VWA8: variants seen among roughly 807,000 people sequenced by gnomAD.
VWA8 encodes von Willebrand factor A domain-containing protein 8.
Under a neutral mutation model 241.5 loss-of-function variants are expected in VWA8, and 221 were observed. That is an observed-to-expected ratio of 0.91 (90% CI 0.82 to 1.02). VWA8 has a LOEUF of 1.02. Ranked by LOEUF, VWA8 falls within the 50% of genes least tolerant of loss-of-function variation. The pLI is 0.00. For missense variants in VWA8, 2,322 were observed against 2,328.7 expected (o/e 1.00, Z 0.06); for synonymous variants, 852 against 827.1 (o/e 1.03, Z -0.52).
chr13:41,930,479 A>AATGAATT (rs1384542721), intron 2 of VWA8, among the ~76,000 whole-genome samples: 2 of 152,350 alleles, frequency 1.3e-5, no homozygotes, highest in East Asian at 3.9e-4. Context: ...TCAATGGATA[A>AATGAATT]ATGAATAAAG....
chr13:41,762,770 C>T (rs1006027029), intron 20 of VWA8, among the ~76,000 whole-genome samples: 6 of 152,050 alleles, frequency 3.9e-5, no homozygotes, highest in African/African-American at 1.2e-4. Flanking sequence ...ATTTATTGAG[C>T]GCCACAGGGG....
At chr13:41,592,374 G>C (rs2044461258) in intron 40 of VWA8, among the ~76,000 whole-genome samples, 1 of 149,408 alleles carries the variant, frequency 6.7e-6, no homozygotes, top group South Asian at 2.1e-4. Context: ...GCTAGATGAC[G>C]AGTTAGTGGG....
chr13:41,782,120 A>C, intron 19 of VWA8, among the ~76,000 whole-genome samples: 1 of 152,360 alleles, frequency 6.6e-6, no homozygotes, highest in Middle Eastern at 3.4e-3. Context: ...ATAATGCTTT[A>C]AGAAGAGAAG....
chr13:41,879,730 A>G (rs962999579), intron 9 of VWA8, among the ~76,000 whole-genome samples: 2 of 152,016 alleles, frequency 1.3e-5, no homozygotes, highest in Non-Finnish European at 2.9e-5. Flanking sequence ...AGGTCTTCTC[A>G]TTATTAATAG....
intron 18 of VWA8, among the ~76,000 whole-genome samples, chr13:41,785,656 T>G (rs1869156335): frequency 6.6e-6 from 1 of 152,166 alleles, no homozygotes; most frequent in African/African-American, 2.4e-5. Flanking sequence ...ACAGTAGATC[T>G]TAACAGTAAC....
intron 40 of VWA8, among the ~76,000 whole-genome samples, chr13:41,600,226 T>C (rs2044512534): frequency 2.0e-5 from 3 of 152,120 alleles, no homozygotes; most frequent in Non-Finnish European, 2.9e-5. Context: ...GTTTTCAATA[T>C]GTAAAGGTTT....
intron 37 of VWA8, among the ~76,000 whole-genome samples, chr13:41,642,701 G>T (rs959530623): frequency 6.6e-6 from 1 of 151,878 alleles, no homozygotes; most frequent in Non-Finnish European, 1.5e-5. Context: ...GGCTGAGGTG[G>T]GTGGATCACC....
chr13:41,816,694 T>C lies in VWA8; in HGVS notation c.1947+4A>G. 2 of 1,612,516 alleles carry C rather than the reference T, an allele frequency of 1.2e-6. No homozygotes were observed. Among genetic ancestry groups the C allele is most frequent in the Non-Finnish European group, 1.7e-6 (2 of 1,179,078 alleles). The stretch of plus-strand genomic sequence containing the variant: ...AAAATCCTGTGGAAAAAGCCTAGAC[T>C]TACCGTTGGATCCTGTGTTTCTCTG... On this transcript the variant is annotated splice_donor_region_variant and intron_variant, in intron 16 of 44. Transcript: ENST00000379310.
intron 29 of VWA8, 64 bp downstream of exon 29, chr13:41,699,007 T>C: frequency 6.2e-7 from 1 of 1,601,978 alleles, no homozygotes. Context: ...AGTTATAGGT[T>C]TCTAATCACT....
intron 9 of VWA8, among the ~76,000 whole-genome samples, chr13:41,872,851 T>C (rs1378264461): frequency 6.6e-6 from 1 of 152,136 alleles, no homozygotes; most frequent in Non-Finnish European, 1.5e-5. Context: ...AAGAAAGTCA[T>C]TGGTAGCTTG....
intron 1 of VWA8, among the ~76,000 whole-genome samples, chr13:41,956,183 T>C (rs144396400): frequency 1.3e-5 from 2 of 152,290 alleles, no homozygotes; most frequent in Middle Eastern, 3.4e-3. Flanking sequence ...TCATGGACTG[T>C]TTAGCAGCAT....
At chr13:41,699,942 G>A (rs1377831839) in intron 28 of VWA8, among the ~76,000 whole-genome samples, 1 of 152,116 alleles carries the variant, frequency 6.6e-6, no homozygotes, top group Admixed American at 6.5e-5. Context: ...CAGGAGGTTT[G>A]GGGTGGGGTT....
intron 14 of VWA8, among the ~76,000 whole-genome samples, chr13:41,829,995 C>G (rs902742312): frequency 6.6e-6 from 1 of 152,124 alleles, no homozygotes; most frequent in Non-Finnish European, 1.5e-5. Context: ...GTAATCCCAG[C>G]ACTTTGGGAG....
intron 2 of VWA8, among the ~76,000 whole-genome samples, chr13:41,923,444 A>T (rs1236795293): frequency 6.6e-6 from 1 of 152,214 alleles, no homozygotes; most frequent in African/African-American, 2.4e-5. Flanking sequence ...TTTAAAAAAA[A>T]AGTGCTTCAG....
At chr13:41,762,508 G>A (rs188400852) in intron 20 of VWA8, among the ~76,000 whole-genome samples, 1 of 152,162 alleles carries the variant, frequency 6.6e-6, no homozygotes, top group Non-Finnish European at 1.5e-5. Flanking sequence ...CCTGCATTAT[G>A]GAATATCTTT....
At chr13:41,802,267 T>A (rs564242963) in intron 17 of VWA8, among the ~76,000 whole-genome samples, 2 of 152,234 alleles carry the variant, frequency 1.3e-5, no homozygotes, top group Non-Finnish European at 2.9e-5. Context: ...AGTGCTACCC[T>A]GTCACAGTGG....
chr13:41,820,463 A>G (rs942439585), intron 14 of VWA8, among the ~76,000 whole-genome samples: 1 of 152,170 alleles, frequency 6.6e-6, no homozygotes. Flanking sequence ...CAAGTCCCTG[A>G]CGGCATGATC....
intron 43 of VWA8, among the ~76,000 whole-genome samples, chr13:41,573,488 T>A (rs412731): frequency 0.03 from 3,413 of 113,200 alleles, 89 homozygotes; most frequent in East Asian, 0.05. Flanking sequence ...AAAAAAAAAA[T>A]ATATATATAT....
intron 1 of VWA8, among the ~76,000 whole-genome samples, chr13:41,950,375 T>G (rs1313346420): frequency 2.0e-5 from 3 of 152,246 alleles, no homozygotes; most frequent in East Asian, 3.9e-4. Flanking sequence ...ATCTTTTTTT[T>G]TTTTTGTTTT....
Sources: gnomAD v4.1 joint callset for allele counts (sites outside exome capture counted in the v4.1 genomes callset) on GRCh38, gnomAD v4.1.1 for gene constraint, MANE v1.5 for transcripts, NCBI Gene and HGNC (gene_info 2026-07-23, HGNC 2026-07-21) for gene names.